The following CACNA2D2 variants were observed in gnomAD, a reference collection of about 807,000 sequenced individuals.
CACNA2D2 encodes the protein calcium voltage-gated channel auxiliary subunit alpha2delta 2.
Under a neutral mutation model 166.4 loss-of-function variants are expected in CACNA2D2, and 48 were observed. That is an observed-to-expected ratio of 0.29 (90% CI 0.23 to 0.37). CACNA2D2 has a LOEUF of 0.37. Ranked by LOEUF, CACNA2D2 falls within the 10% of genes least tolerant of loss-of-function variation. The pLI, the probability that CACNA2D2 is intolerant of heterozygous loss-of-function variation, is 1.00. For synonymous variants in CACNA2D2, 561 were observed against 573.7 expected, an observed-to-expected ratio of 0.98 and a Z score of 0.32; for missense variants, 1,122 against 1,433.0, an observed-to-expected ratio of 0.78 and a Z score of 3.50.
At chr3:50,474,195 G>C (rs766714948) in intron 2 of CACNA2D2, among the ~76,000 whole-genome samples, 1 of 152,226 alleles carries the variant, frequency 6.6e-6, no homozygotes, top group Non-Finnish European at 1.5e-5. Context: ...GGGAGAGGGT[G>C]GGGGAGACAG....
In CACNA2D2 at chr3:50,375,366, T is replaced by C. The variant is rs2269569; in HGVS notation, c.1907+278A>G. Among the ~76,000 whole-genome samples the C allele has an allele frequency of 0.2, 30,390 of 152,188 alleles. 6,138 individuals carry two copies. Among genetic ancestry groups the C allele is most frequent in the East Asian group, 0.62 (3,207 of 5,166 alleles). ...AGCCTGACACACAAGGGACCTCCTCTGCCCTGAGACTGTGAGGCAGGCTGA... is the reference window on the plus strand; with the variant it reads ...AGCCTGACACACAAGGGACCTCCTCCGCCCTGAGACTGTGAGGCAGGCTGA... On this transcript the variant is annotated intron_variant, in intron 21 of 37. Coordinates refer to ENST00000424201, the MANE Select transcript of CACNA2D2 (RefSeq NM_006030.4). This position sits in a 1 kb window ranked among gnomAD's most constrained non-coding sequence, Gnocchi z 4.0.
At chr3:50,461,581 C>A (rs1223422957) in intron 2 of CACNA2D2, among the ~76,000 whole-genome samples, 1 of 151,806 alleles carries the variant, frequency 6.6e-6, no homozygotes, top group Admixed American at 6.6e-5. Context: ...GCCAACATAG[C>A]GAAACCTCAT....
At chr3:50,471,686 C>T (rs1461203309) in intron 2 of CACNA2D2, among the ~76,000 whole-genome samples, 1 of 152,172 alleles carries the variant, frequency 6.6e-6, no homozygotes, top group Non-Finnish European at 1.5e-5. Context: ...GGAGGCCTGT[C>T]TCAAAGGCAC....
At chr3:50,395,546 G>A (rs377241518) in intron 3 of CACNA2D2, among the ~76,000 whole-genome samples, 1 of 152,150 alleles carries the variant, frequency 6.6e-6, no homozygotes, top group East Asian at 1.9e-4. Flanking sequence ...CCCGCCTCTT[G>A]GTATTCAGGA....
chr3:50,485,503 C>T (rs1337122401), intron 1 of CACNA2D2, among the ~76,000 whole-genome samples: 1 of 152,348 alleles, frequency 6.6e-6, no homozygotes, highest in Non-Finnish European at 1.5e-5. Context: ...AACATGACTC[C>T]GTATTGAGTA....
intron 3 of CACNA2D2, among the ~76,000 whole-genome samples, chr3:50,421,305 G>C (rs185551372): frequency 1.6e-4 from 24 of 152,292 alleles, no homozygotes; most frequent in Admixed American, 1.4e-3. Context: ...AAGAATATTT[G>C]ATAAAAGGGA....
chr3:50,489,126 A>T (rs1698413896), intron 1 of CACNA2D2, among the ~76,000 whole-genome samples: 1 of 152,184 alleles, frequency 6.6e-6, no homozygotes, highest in South Asian at 2.1e-4. Flanking sequence ...ACAACTATGA[A>T]ACATAGGAAA....
intron 3 of CACNA2D2, among the ~76,000 whole-genome samples, chr3:50,417,456 C>G (rs778313455): frequency 4.6e-5 from 7 of 152,220 alleles, no homozygotes; most frequent in Non-Finnish European, 1.0e-4. Flanking sequence ...AGCAGCTGCT[C>G]AGGGTGGCCT....
chr3:50,436,676 T>C (rs946309411), intron 2 of CACNA2D2, among the ~76,000 whole-genome samples: 2 of 152,236 alleles, frequency 1.3e-5, no homozygotes, highest in South Asian at 2.1e-4. Flanking sequence ...CAGCCTGTGC[T>C]GTTGTTACGG....
chr3:50,379,151 C>CCGTGA lies in CACNA2D2; in HGVS notation c.1196_1200dup (p.Asp401SerfsTer68). Reference sequence around the variant, plus strand: ...TCCTGCACGCGGTCCTCACCACCATCCGTGAACATCATGATCATCTTGTTG... The same window carrying CCGTGA: ...TCCTGCACGCGGTCCTCACCACCATCCGTGACGTGAACATCATGATCATCTTGTTG... On this transcript the variant is annotated frameshift_variant, in exon 12 of 38. Transcript: ENST00000424201. LOFTEE classifies it high-confidence loss of function. This position sits in a 1 kb window ranked among gnomAD's most constrained non-coding sequence, Gnocchi z 6.5. 1 of 1,614,054 alleles carries CCGTGA rather than the reference C, an allele frequency of 6.2e-7. No individual in the cohort carries two copies. The highest frequency in any genetic ancestry group is 8.5e-7 in the Non-Finnish European group (1 of 1,180,022).
chr3:50,447,668 C>A (rs950155553), intron 2 of CACNA2D2, among the ~76,000 whole-genome samples: 37 of 152,262 alleles, frequency 2.4e-4, no homozygotes, highest in Non-Finnish European at 4.4e-5. Context: ...CTGAGTTGGT[C>A]CTGCTCAGTC....
intron 3 of CACNA2D2, among the ~76,000 whole-genome samples, chr3:50,401,838 A>G (rs1706466738): frequency 6.6e-6 from 1 of 152,020 alleles, no homozygotes; most frequent in African/African-American, 2.4e-5. Flanking sequence ...CCTCCCGAGT[A>G]GCTACAGGCG....
At position 50,379,402 on chromosome 3, in the gene CACNA2D2, G is replaced by A. The variant is rs1705177290; in HGVS notation, c.1152+30C>T. 6.2e-7 allele frequency: 1 copy of A among 1,608,980 alleles called. No homozygotes were observed. The highest frequency in any genetic ancestry group is 8.5e-7 in the Non-Finnish European group (1 of 1,176,832). The stretch of plus-strand genomic sequence containing the variant: ...CAAGCCAGGGCCCTCTACTCCCCCA[G>A]CCGCCCACTTGCCCACCCATGGGGC... On this transcript the variant is annotated intron_variant, in intron 11 of 37. Transcript: ENST00000424201. This position sits in a 1 kb window ranked among gnomAD's most constrained non-coding sequence, Gnocchi z 6.5.
intron 3 of CACNA2D2, among the ~76,000 whole-genome samples, chr3:50,426,019 AC>A (rs1707794942): frequency 6.6e-6 from 1 of 151,674 alleles, no homozygotes; most frequent in Non-Finnish European, 1.5e-5. Context: ...TCTGCCCTCC[AC>A]CCGGCTTTCT....
chr3:50,417,497 G>A (rs1338552868), intron 3 of CACNA2D2, among the ~76,000 whole-genome samples: 5 of 152,172 alleles, frequency 3.3e-5, no homozygotes, highest in Non-Finnish European at 7.4e-5. Context: ...GTCCAGCGCC[G>A]TCTGCTGTGC....
chr3:50,392,591 C>T (rs1705938184), intron 4 of CACNA2D2, among the ~76,000 whole-genome samples: 2 of 152,226 alleles, frequency 1.3e-5, no homozygotes, highest in Admixed American at 6.5e-5. Flanking sequence ...GAGCCCTTTA[C>T]TGCCTCATCT....
Position 50,377,998 on chromosome 3 carries a change from G to C in CACNA2D2, c.1479+10C>G. 1.9e-6 allele frequency: 3 copies of C among 1,613,114 alleles called. No individual in the cohort carries two copies. The highest frequency in any genetic ancestry group is 2.2e-5 in the East Asian group (1 of 44,886). On this transcript the variant is annotated intron_variant, in intron 15 of 37. Transcript: ENST00000424201. ...GCCAGCCCCACCCCTTCCTTGTCCA[G>C]AGGCCTTACCAGTGCATCCTCATAC...
At chr3:50,384,403 G>A in intron 5 of CACNA2D2, 66 bp from the exon 6 acceptor site, 2 of 1,572,668 alleles carry the variant, frequency 1.3e-6, no homozygotes, top group East Asian at 2.2e-5. Flanking sequence ...GTAGAGGCCT[G>A]CAAGTAGGGG....
intron 3 of CACNA2D2, among the ~76,000 whole-genome samples, chr3:50,416,526 G>A (rs1707271332): frequency 6.6e-6 from 1 of 152,228 alleles, no homozygotes; most frequent in Admixed American, 6.5e-5. Flanking sequence ...CTGGGCTCCA[G>A]GGTGCCCCCC....
Sources: gnomAD v4.1 joint callset for allele counts (sites outside exome capture counted in the v4.1 genomes callset) on GRCh38, gnomAD v4.1.1 for gene constraint, Gnocchi (gnomAD v3.1) non-coding constraint, MANE v1.5 for transcripts, NCBI Gene and HGNC (gene_info 2026-07-23, HGNC 2026-07-21) for gene names.